Variants in MYH11 observed in about 807,000 individuals in gnomAD.
MYH11 encodes myosin heavy chain 11.
A neutral mutation model predicts 246.6 loss-of-function variants in MYH11; 80 were observed. That is an observed-to-expected ratio of 0.32 (90% confidence interval 0.27 to 0.39). The LOEUF is 0.39. MYH11 is among the 10% of genes least tolerant of loss of function. MYH11 has a pLI of 1.00. For synonymous variants in MYH11, 1,071 were observed against 1,015.5 expected, an observed-to-expected ratio of 1.05 and a Z score of -1.04; for missense variants, 2,158 against 2,546.8, an observed-to-expected ratio of 0.85 and a Z score of 3.29.
Position 15,777,104 on chromosome 16 carries a change from T to TACACACACAC in MYH11, c.791-938_791-929dup, listed in dbSNP as rs111888764. ...GTACATGGGTATACACACGCACACA[T>TACACACACAC]ACACACACACACACACACACACACG... is the stretch of plus-strand genomic sequence containing the variant. On this transcript the variant is annotated intron_variant, in intron 7 of 40. Transcript: ENST00000300036. 4.7e-4 allele frequency among the ~76,000 whole-genome samples: 70 copies of TACACACACAC among 147,980 alleles called. 1 individual carries two copies. Among genetic ancestry groups the TACACACACAC allele is most frequent in the African/African-American group, 1.4e-3 (55 of 40,292 alleles).
At chr16:15,712,895 T>TTTTTTTTTTTTTTTTTTTA (rs1567680276) in intron 40 of MYH11, 1 of 148,746 alleles carries the variant, frequency 6.7e-6, no homozygotes, top group Non-Finnish European at 1.5e-5. Flanking sequence ...TTTTTTTTTT[T>TTTTTTTTTTTTTTTTTTTA]GAGACCGAGT....
chr16:15,803,567 G>C (rs1596867529), intron 3 of MYH11, among the ~76,000 whole-genome samples: 1 of 152,068 alleles, frequency 6.6e-6, no homozygotes, highest in Admixed American at 6.5e-5. Flanking sequence ...TTTAAAAGAG[G>C]GTGAAGGATA....
At chr16:15,856,138 C>A (rs2044461383) in intron 1 of MYH11, among the ~76,000 whole-genome samples, 2 of 151,856 alleles carry the variant, frequency 1.3e-5, no homozygotes. Context: ...ACCTAACGCA[C>A]CTGCAGATCG....
At chr16:15,784,455 G>A (rs1379258223) in intron 5 of MYH11, among the ~76,000 whole-genome samples, 1 of 152,132 alleles carries the variant, frequency 6.6e-6, no homozygotes, top group South Asian at 2.1e-4. Flanking sequence ...TCAGGCTGGA[G>A]CGCAACCCTG....
At chr16:15,712,921 A>C in intron 40 of MYH11, 1 of 99,736 alleles carries the variant, frequency 1.0e-5, no homozygotes, top group African/African-American at 4.2e-5. Flanking sequence ...TCTGTCACCC[A>C]GGCTGGACTG....
intron 9 of MYH11, among the ~76,000 whole-genome samples, chr16:15,768,656 ATTTGT>A (rs71755373): frequency 0.014 from 2,090 of 152,274 alleles, 25 homozygotes; most frequent in Non-Finnish European, 0.021. Flanking sequence ...CTTTCCTTAC[ATTTGT>A]TTTAATAGAA....
At chr16:15,747,186 G>A (rs2041441114) in intron 19 of MYH11, among the ~76,000 whole-genome samples, 1 of 152,104 alleles carries the variant, frequency 6.6e-6, no homozygotes, top group Admixed American at 6.6e-5. Flanking sequence ...TTTCTGACCT[G>A]AGAACCACGC....
intron 2 of MYH11, among the ~76,000 whole-genome samples, chr16:15,827,488 T>C (rs979778250): frequency 1.3e-5 from 2 of 151,934 alleles, no homozygotes; most frequent in African/African-American, 4.8e-5. Flanking sequence ...GGGTTAGAGG[T>C]AAGCGGGGCC....
At chr16:15,779,301 G>T in intron 6 of MYH11, 1 of 244,260 alleles carries the variant, frequency 4.1e-6, no homozygotes, top group South Asian at 5.2e-5. Context: ...ACCATATCTG[G>T]CTAATTTTTA....
At chr16:15,708,287 G>A (rs764794268) in intron 40 of MYH11, among the ~76,000 whole-genome samples, 18 of 152,208 alleles carry the variant, frequency 1.2e-4, no homozygotes, top group Non-Finnish European at 2.5e-4. Context: ...AGGACTGGTT[G>A]CCGCGCCGCA....
chr16:15,788,555 G>GA (rs971514259), intron 4 of MYH11, among the ~76,000 whole-genome samples: 15 of 151,134 alleles, frequency 9.9e-5, no homozygotes, highest in Admixed American at 2.6e-4. Context: ...GAAAGAGAAA[G>GA]AAAAAAAAAG....
At chr16:15,736,287 T>C (rs1165858624) in intron 25 of MYH11, among the ~76,000 whole-genome samples, 1 of 152,132 alleles carries the variant, frequency 6.6e-6, no homozygotes, top group Non-Finnish European at 1.5e-5. Context: ...TTTGTTGTTA[T>C]TATTGTTTTG....
chr16:15,772,485 A>T (rs928634968), intron 8 of MYH11, among the ~76,000 whole-genome samples: 1 of 152,130 alleles, frequency 6.6e-6, no homozygotes, highest in Non-Finnish European at 1.5e-5. Flanking sequence ...GAAAAATAGC[A>T]TTCTCCTGTC....
In MYH11 at chr16:15,728,512, G is replaced by A. The variant is rs369035243; in HGVS notation, c.3652-1458C>T. ...ACCGCCCCCGTCCTTCACAGGTGTCGTGTGATTGACACTGCTACTTCTGTC... is the reference window on the plus strand; with the variant it reads ...ACCGCCCCCGTCCTTCACAGGTGTCATGTGATTGACACTGCTACTTCTGTC... On this transcript the variant is annotated intron_variant, in intron 27 of 40. Transcript: ENST00000300036. Among the ~76,000 whole-genome samples the A allele has an allele frequency of 3.3e-4, 50 of 152,204 alleles. 1 individual carries two copies. The highest frequency in any genetic ancestry group is 1.7e-3 in the East Asian group (9 of 5,178).
chr16:15,735,558 T>A lies in MYH11; in HGVS notation c.3314A>T (p.Gln1105Leu), dbSNP rs773907929. The change falls in exon 26 of 41, where the codon CAG becomes CTG. Residue 1105 changes from glutamine to leucine, a missense_variant. Transcript: ENST00000300036. ...ALARLDDEIA[Q>L]KNNALKKIRE... The stretch of plus-strand genomic sequence containing the variant: ...GATCTTCTTCAGGGCATTGTTCTTC[T>A]GAGCGATTTCATCGTCAAGCCTTCC... The A allele has an allele frequency of 5.6e-6, 9 of 1,614,218 alleles. No homozygotes were observed.
At chr16:15,814,358 G>C (rs1210190894) in intron 3 of MYH11, among the ~76,000 whole-genome samples, 2 of 151,798 alleles carry the variant, frequency 1.3e-5, no homozygotes, top group African/African-American at 4.8e-5. Context: ...TTCAAGACCA[G>C]CCTGACCAAC....
intron 7 of MYH11, among the ~76,000 whole-genome samples, chr16:15,777,877 G>C (rs2042260514): frequency 6.6e-6 from 1 of 152,098 alleles, no homozygotes; most frequent in Non-Finnish European, 1.5e-5. Context: ...GAGCTTCAGT[G>C]ATTTTCCCAA....
In MYH11 at chr16:15,717,274, G is replaced by A. The variant is rs35295469; in HGVS notation, c.5370C>T (p.Leu1790=). The change falls in exon 38 of 41, where the codon CTC becomes CTT. Residue 1790 remains leucine, a synonymous_variant. Transcript: ENST00000300036. Reference sequence around the variant, plus strand: ...TCCGGAGCTCCTTGTTCTGCCGCTCGAGCTGCTGCCGGGCACTCTCATTCT... The same window carrying A: ...TCCGGAGCTCCTTGTTCTGCCGCTCAAGCTGCTGCCGGGCACTCTCATTCT... ...AQKNESARQQ[L]ERQNKELRSK... is the part of the protein sequence containing the mutation. 14,013 of 1,613,862 alleles carry A rather than the reference G, an allele frequency of 8.7e-3. 599 individuals are homozygous for A. The African/African-American group carries it at 0.1, about 12-fold the overall frequency.
At chr16:15,815,121 C>T (rs1219242243) in intron 3 of MYH11, among the ~76,000 whole-genome samples, 1 of 152,114 alleles carries the variant, frequency 6.6e-6, no homozygotes. Context: ...ATATTATAGC[C>T]AAGCACATCA....
Sources: allele counts gnomAD v4.1 joint callset (sites outside exome capture counted in the v4.1 genomes callset), GRCh38; gene constraint gnomAD v4.1.1; transcripts MANE v1.5; gene names NCBI Gene and HGNC (gene_info 2026-07-23, HGNC 2026-07-21).